SH3BP4: variants seen among roughly 807,000 people sequenced by gnomAD.
SH3BP4 encodes the protein SH3 domain-binding protein 4.
Under a neutral mutation model 65.5 loss-of-function variants are expected in SH3BP4, and 33 were observed. The observed-to-expected ratio is 0.50, with a 90% CI of 0.38 to 0.67. The LOEUF is 0.67. Ranked by LOEUF, SH3BP4 falls within the 30% of genes least tolerant of loss-of-function variation. The probability of loss-of-function intolerance (pLI) is 0.00; values close to 1 mark genes in which losing one functional copy is unlikely to be tolerated. For synonymous variants in SH3BP4, 552 were observed against 545.5 expected (o/e 1.01, Z -0.17); for missense variants, 1,134 against 1,261.4 (o/e 0.90, Z 1.53).
intron 2 of SH3BP4, among the ~76,000 whole-genome samples, chr2:235,003,340 G>A (rs7583455): frequency 1.3e-5 from 2 of 152,104 alleles, no homozygotes; most frequent in Non-Finnish European, 2.9e-5. Context: ...TCCTACAAAC[G>A]CAGGCCACTG....
intron 1 of SH3BP4, among the ~76,000 whole-genome samples, chr2:234,970,949 T>G (rs1471254752): frequency 6.6e-6 from 1 of 152,176 alleles, no homozygotes; most frequent in Non-Finnish European, 1.5e-5. Context: ...GGACACAAAT[T>G]TCTTCAGAGA....
chr2:234,953,290 A>G (rs993737834), intron 1 of SH3BP4: 1 of 152,248 alleles, frequency 6.6e-6, no homozygotes, highest in Non-Finnish European at 1.5e-5. Context: ...CACATTTTTT[A>G]CCAGCCTTGT....
At position 235,045,812 on chromosome 2, in the gene SH3BP4, C is replaced by T. The variant is rs1174410097; in HGVS notation, c.2478+2565C>T. ...CCAGAGAGTCACAGCCAGGCCACCC[C>T]CTGCCTCTCATTTTTAGCATAGCTT... On this transcript the variant is annotated intron_variant, in intron 4 of 5. Transcript: ENST00000392011. The surrounding 1 kb of genome is among the most constrained non-coding windows in gnomAD (Gnocchi z 4.3). 6.6e-6 allele frequency among the ~76,000 whole-genome samples: 1 copy of T among 152,230 alleles called. No homozygotes were observed. Among genetic ancestry groups the T allele is most frequent in the Non-Finnish European group, 1.5e-5 (1 of 68,042 alleles).
intron 2 of SH3BP4, among the ~76,000 whole-genome samples, chr2:235,019,145 A>G (rs1694774525): frequency 6.6e-6 from 1 of 152,212 alleles, no homozygotes; most frequent in African/African-American, 2.4e-5. Context: ...GAATGCAGCG[A>G]GATGCCCTTG....
intron 1 of SH3BP4, among the ~76,000 whole-genome samples, chr2:234,980,903 T>G (rs1433387858): frequency 6.6e-6 from 1 of 152,160 alleles, no homozygotes; most frequent in African/African-American, 2.4e-5. Flanking sequence ...CGTTTTTGTT[T>G]TTTTGAGACA....
rs752113649 is a variant in SH3BP4, at chr2:235,042,845, G to C, written c.2076G>C (p.Arg692Ser). The part of the protein sequence containing the change: ...GIALLSEERV[R>S]LRGQLWTKEW... The stretch of plus-strand genomic sequence containing the variant: ...CCCTGCTCAGCGAGGAGCGGGTCAG[G>C]CTCCGGGGCCAGCTGTGGACCAAGG... The change falls in exon 4 of 6, where the codon AGG becomes AGC. Residue 692 changes from arginine (R) to serine (S), a missense_variant. Arg to Ser is a moderately radical substitution (Grantham distance 110). Transcript: ENST00000392011. The surrounding 1 kb of genome is among the most constrained non-coding windows in gnomAD (Gnocchi z 7.3). 23 of 1,613,914 alleles carry C rather than the reference G, an allele frequency of 1.4e-5. No homozygotes were observed. The highest frequency in any genetic ancestry group is 1.9e-5 in the Non-Finnish European group (22 of 1,180,024).
Position 234,970,939 on chromosome 2 carries a change from G to A in SH3BP4, c.-207+18769G>A, listed in dbSNP as rs550001746. On this transcript the variant is annotated intron_variant, in intron 1 of 5. Transcript: ENST00000392011. ...GGGGATGGCTGCAGCGTGAGTTACC[G>A]GACACAAATTTCTTCAGAGACTACA... Among the ~76,000 whole-genome samples, 457 of 152,074 alleles carry A rather than the reference G, an allele frequency of 3.0e-3. 4 individuals carry two copies. Among genetic ancestry groups the A allele is most frequent in the African/African-American group, 0.011 (449 of 41,468 alleles).
rs1415013077 is a variant in SH3BP4, at chr2:235,033,234, G to A, written c.-132-1637G>A. ...CGGTTCCAGAGGCCGGAAGTCAAAA[G>A]TCAAGGCTCTGGCCAACTCTGTTCC... is the stretch of plus-strand genomic sequence containing the variant. On this transcript the variant is annotated intron_variant, in intron 2 of 5. Transcript: ENST00000392011. The surrounding 1 kb of genome is among the most constrained non-coding windows in gnomAD (Gnocchi z 5.7). Among the ~76,000 whole-genome samples, 1 of 152,220 alleles carries A rather than the reference G, an allele frequency of 6.6e-6. No homozygotes were observed. Among genetic ancestry groups the A allele is most frequent in the Non-Finnish European group, 1.5e-5 (1 of 68,032 alleles).
At chr2:234,993,141 G>A (rs1693804698) in intron 1 of SH3BP4, among the ~76,000 whole-genome samples, 1 of 152,240 alleles carries the variant, frequency 6.6e-6, no homozygotes, top group Admixed American at 6.5e-5. Context: ...GTCTCAGGAA[G>A]TGCCCCCGGC....
rs114082635 is a variant in SH3BP4, at chr2:234,965,725, T to C, written c.-207+13555T>C. On this transcript the variant is annotated intron_variant, in intron 1 of 5. Coordinates refer to ENST00000392011, the MANE Select transcript of SH3BP4 (RefSeq NM_014521.3). ...TTCATGCTCAAGAAGATGGGTAAAA[T>C]GGCAGTGATTTCCACAGCGAACCTG... Among the ~76,000 whole-genome samples, 568 of 152,246 alleles carry C rather than the reference T, an allele frequency of 3.7e-3. 5 individuals carry two copies. Among genetic ancestry groups the C allele is most frequent in the African/African-American group, 0.013 (541 of 41,528 alleles).
At position 235,042,761 on chromosome 2, in the gene SH3BP4, T is replaced by C. The variant is rs746108621; in HGVS notation, c.1992T>C (p.Thr664=). Residue 664 remains threonine (T), a synonymous_variant, in exon 4 of 6, where the codon ACT becomes ACC. Transcript: ENST00000392011. This position sits in a 1 kb window ranked among gnomAD's most constrained non-coding sequence, Gnocchi z 7.3. ...TCAAGTTTGGTAAGTTGCTCAAGAC[T>C]GTGGTGCGGCAGAACAAGAACCACT... ...SSLKFGKLLK[T]VVRQNKNHYL... The C allele has an allele frequency of 1.9e-4, 299 of 1,614,138 alleles. 6 individuals are homozygous for C. In the South Asian group the frequency reaches 3.1e-3, roughly 17 times the overall value.
rs1227327409 is a variant in SH3BP4, at chr2:235,034,735, G to A, written c.-132-136G>A. ...GGAGCAAGCGCTGCTCTGCTCTGTT[G>A]GGCCAGGAAAGATGAAATGGGTCTG... On this transcript the variant is annotated intron_variant, in intron 2 of 5. Transcript: ENST00000392011. The surrounding 1 kb of genome is among the most constrained non-coding windows in gnomAD (Gnocchi z 6.2). 1.4e-5 allele frequency: 6 copies of A among 432,328 alleles called. No individual in the cohort carries two copies. The highest frequency in any genetic ancestry group is 2.7e-5 in the South Asian group (1 of 36,768). The allele number at this position is 432,328 out of a possible 1,614,324, so 26.8% of individuals were successfully genotyped here. A position where few individuals can be genotyped will look rare whatever the true frequency, so the allele number is the denominator to read the frequency against.
At chr2:235,000,932 T>C (rs1444693330) in intron 2 of SH3BP4, among the ~76,000 whole-genome samples, 1 of 152,208 alleles carries the variant, frequency 6.6e-6, no homozygotes, top group Non-Finnish European at 1.5e-5. Context: ...ACCTCTTTCC[T>C]TCCCCCAGGC....
intron 1 of SH3BP4, among the ~76,000 whole-genome samples, chr2:234,968,426 C>G (rs6431325): frequency 6.7e-6 from 1 of 149,528 alleles, no homozygotes; most frequent in Non-Finnish European, 1.5e-5. Context: ...TCTAGTTACC[C>G]TCTAGAATTA....
rs1438293650 is a variant in SH3BP4 at position 234,977,629 on chromosome 2, T to C, written c.-206-17674T>C. Among the ~76,000 whole-genome samples the C allele has an allele frequency of 6.6e-6, 1 of 151,282 alleles. No homozygotes were observed. The highest frequency in any genetic ancestry group is 1.5e-5 in the Non-Finnish European group (1 of 67,792). ...ATCCCATTAGCGACTTAGGGGTGAG[T>C]GGATGGAAAACAGGATGAGAGTGTC... On this transcript the variant is annotated intron_variant, in intron 1 of 5. Transcript: ENST00000392011. The surrounding 1 kb of genome is among the most constrained non-coding windows in gnomAD (Gnocchi z 5.1).
chr2:235,052,721 C>A lies in SH3BP4; in HGVS notation c.2638C>A (p.Arg880=). The A allele has an allele frequency of 6.2e-7, 1 of 1,604,060 alleles. No individual in the cohort carries two copies. Among genetic ancestry groups the A allele is most frequent in the Non-Finnish European group, 8.5e-7 (1 of 1,176,158 alleles). The change falls in exon 5 of 6, where the codon CGG becomes AGG. Residue 880 remains arginine (R), a synonymous_variant. Transcript: ENST00000392011. This position sits in a 1 kb window ranked among gnomAD's most constrained non-coding sequence, Gnocchi z 5.0. ...GATGGACGCCTACGAGTCTCCCCACCGGGACAGGAACGGGGTTGTGGACAG... is the reference window on the plus strand; with the variant it reads ...GATGGACGCCTACGAGTCTCCCCACAGGGACAGGAACGGGGTTGTGGACAG... The part of the protein sequence containing the change: ...QQMDAYESPH[R]DRNGVVDSEA...
At chr2:235,012,063 C>T (rs1694526692) in intron 2 of SH3BP4, among the ~76,000 whole-genome samples, 2 of 152,224 alleles carry the variant, frequency 1.3e-5, no homozygotes, top group Admixed American at 6.5e-5. Flanking sequence ...GGTGCCCGCA[C>T]ACTCAGTGTG....
At chr2:234,981,598 A>T (rs1693386173) in intron 1 of SH3BP4, 1 of 152,202 alleles carries the variant, frequency 6.6e-6, no homozygotes, top group South Asian at 2.1e-4. Context: ...AATTAGAAAA[A>T]GCTGCTACAT....
rs1203612370 is a variant in SH3BP4, at chr2:234,978,844, T to TCATGCCGCTGCGTGGAGGAA, written c.-206-16453_-206-16434dup. 6.6e-6 allele frequency: 1 copy of TCATGCCGCTGCGTGGAGGAA among 151,850 alleles called. No individual in the cohort carries two copies. The highest frequency in any genetic ancestry group is 1.5e-5 in the Non-Finnish European group (1 of 68,002). 9.4% of individuals were successfully genotyped at this position (151,850 alleles called of 1,614,324 possible). A position where few individuals can be genotyped will look rare whatever the true frequency, so the allele number is the denominator to read the frequency against. On this transcript the variant is annotated intron_variant, in intron 1 of 5. Coordinates refer to ENST00000392011, the MANE Select transcript of SH3BP4 (RefSeq NM_014521.3). The surrounding 1 kb of genome is among the most constrained non-coding windows in gnomAD (Gnocchi z 4.1). Reference sequence around the variant, plus strand: ...GCAAGAGGCTGGTGAGATCCGAGAGTCATGCCGCTGCGTGGAGGAACATGC... The same window carrying TCATGCCGCTGCGTGGAGGAA: ...GCAAGAGGCTGGTGAGATCCGAGAGTCATGCCGCTGCGTGGAGGAACATGCCGCTGCGTGGAGGAACATGC...
Sources: gnomAD v4.1 joint callset for allele counts (sites outside exome capture counted in the v4.1 genomes callset) on GRCh38, gnomAD v4.1.1 for gene constraint, Gnocchi (gnomAD v3.1) non-coding constraint, MANE v1.5 for transcripts, NCBI Gene and HGNC (gene_info 2026-07-23, HGNC 2026-07-21) for gene names.